The following PTPRS variants were observed in gnomAD, a reference collection of about 807,000 sequenced individuals.
PTPRS encodes the protein receptor-type tyrosine-protein phosphatase S.
Under a neutral mutation model 215.3 loss-of-function variants are expected in PTPRS, and 63 were observed. The ratio of observed to expected loss-of-function variants is 0.29; its 90% confidence interval spans 0.24 to 0.36. The LOEUF is 0.36. PTPRS is among the 10% of genes least tolerant of loss of function. The pLI, the probability that PTPRS is intolerant of heterozygous loss-of-function variation, is 1.00. For missense variants in PTPRS, 2,258 were observed against 2,825.8 expected (o/e 0.80, Z 4.56); for synonymous variants, 1,404 against 1,191.4 (o/e 1.18, Z -3.68).
chr19:5,229,373 A>G, intron 15 of PTPRS, 31 bp from the exon 16 acceptor site: 1 of 1,371,674 alleles, frequency 7.3e-7, no homozygotes, highest in East Asian at 2.8e-5. Flanking sequence ...CAGGGGAGAG[A>G]GGAGGAAGGT....
chr19:5,335,835 C>T lies in PTPRS; in HGVS notation c.-95+4829G>A, dbSNP rs145715737. Among the ~76,000 whole-genome samples the T allele has an allele frequency of 6.9e-3, 1,043 of 152,110 alleles. 8 individuals are homozygous for T. The highest frequency in any genetic ancestry group is 0.017 in the Middle Eastern group (5 of 294). On this transcript the variant is annotated intron_variant, in intron 1 of 37. Transcript: ENST00000262963. ...AAGGAAACAGGAAGCCGCACAGAAA[C>T]CTGGGTTTATTTTCAGATGTGGAAT...
chr19:5,209,331 T>A (rs2040650280), intron 35 of PTPRS, among the ~76,000 whole-genome samples: 1 of 152,178 alleles, frequency 6.6e-6, no homozygotes, highest in South Asian at 2.1e-4. Flanking sequence ...CATCCATCAC[T>A]AACAATTCAT....
chr19:5,211,792 G>A (rs777593106), intron 32 of PTPRS, 24 bp from the exon 33 acceptor site: 1 of 1,606,762 alleles, frequency 6.2e-7, no homozygotes, highest in Non-Finnish European at 8.5e-7. Flanking sequence ...GAAGCCAGAG[G>A]CCACCATCAG....
chr19:5,302,500 T>C (rs1413676056), intron 1 of PTPRS, among the ~76,000 whole-genome samples: 1 of 152,168 alleles, frequency 6.6e-6, no homozygotes. Context: ...ACCAGAAACA[T>C]TGTTACAATG....
intron 2 of PTPRS, among the ~76,000 whole-genome samples, chr19:5,280,982 G>C (rs1332138894): frequency 6.6e-6 from 1 of 151,544 alleles, no homozygotes; most frequent in Non-Finnish European, 1.5e-5. Flanking sequence ...AGTAGAGAGG[G>C]GGTTTCAGCA....
In PTPRS at chr19:5,324,226, CAAAAAAAA is replaced by C. The variant is rs55793961; in HGVS notation, c.-95+16430_-95+16437del. Among the ~76,000 whole-genome samples the C allele has an allele frequency of 2.8e-3, 210 of 73,868 alleles. 2 individuals carry two copies. The East Asian group carries it at 0.061, about 22-fold the overall frequency. 48.5% of individuals were successfully genotyped at this position (73,868 alleles called of 152,430 possible). On this transcript the variant is annotated intron_variant, in intron 1 of 37. Transcript: ENST00000262963. ...TGGGAGACAGAGCGAAACCCTGCCT[CAAAAAAAA>C]AAAAAAAAAAAAAAAAAGAAAGAAA...
At chr19:5,243,281 G>A (rs891031882) in intron 11 of PTPRS, among the ~76,000 whole-genome samples, 29 of 151,756 alleles carry the variant, frequency 1.9e-4, no homozygotes, top group African/African-American at 6.8e-4. Flanking sequence ...ACAGGCACCC[G>A]CCACCACGGC....
chr19:5,221,276 CA>C lies in PTPRS; in HGVS notation c.3202-24del, dbSNP rs1228516797. 3 of 1,599,832 alleles carry C rather than the reference CA, an allele frequency of 1.9e-6. No homozygotes were observed. The East Asian group carries it at 6.7e-5, about 36-fold the overall frequency. On this transcript the variant is annotated intron_variant, in intron 19 of 37. Transcript: ENST00000262963. ...GATCTGCGGACCAGGGCTAGCTCAG[CA>C]GGGCCTGGTGGGCTCATGCCCATGG...
rs2049034781 is a variant in PTPRS, at chr19:5,293,846, TGAG to T, written c.-94-7615_-94-7613del. 1.3e-5 allele frequency among the ~76,000 whole-genome samples: 2 copies of T among 151,212 alleles called. 1 individual carries two copies. Among genetic ancestry groups the T allele is most frequent in the Non-Finnish European group, 3.0e-5 (2 of 67,706 alleles). On this transcript the variant is annotated intron_variant, in intron 1 of 37. Coordinates refer to ENST00000262963, the MANE Select transcript of PTPRS (RefSeq NM_002850.4). The surrounding 1 kb of genome is among the most constrained non-coding windows in gnomAD (Gnocchi z 8.4). ...GAGGCCCCCACCCTCGCCACAAGCC[TGAG>T]GAGGGGGCGGAGAGCACAGGGCCAG...
intron 1 of PTPRS, among the ~76,000 whole-genome samples, chr19:5,288,767 G>A (rs1213137186): frequency 6.6e-6 from 1 of 152,164 alleles, no homozygotes; most frequent in Non-Finnish European, 1.5e-5. Context: ...ATATATGGAG[G>A]GCCCCAGCCA....
At position 5,319,255 on chromosome 19, in the gene PTPRS, T is replaced by TA. The variant is rs1361394063; in HGVS notation, c.-95+21408dup. Among the ~76,000 whole-genome samples the TA allele has an allele frequency of 2.0e-5, 3 of 151,720 alleles. No homozygotes were observed. The East Asian group carries it at 5.8e-4, about 29-fold the overall frequency. On this transcript the variant is annotated intron_variant, in intron 1 of 37. Coordinates refer to ENST00000262963, the MANE Select transcript of PTPRS (RefSeq NM_002850.4). ...GGCAAAACCCATCACTACTAAAAAT[T>TA]AAAAAATTAGCCATGCGTGGTGGTG...
chr19:5,336,000 T>TGGA (rs1201577204), intron 1 of PTPRS, among the ~76,000 whole-genome samples: 3 of 144,990 alleles, frequency 2.1e-5, no homozygotes, highest in Non-Finnish European at 3.0e-5. Context: ...GGCAGCTCCA[T>TGGA]GGAGGAGGAG....
chr19:5,240,724 A>G (rs2043960995), intron 11 of PTPRS, among the ~76,000 whole-genome samples: 1 of 151,138 alleles, frequency 6.6e-6, no homozygotes, highest in Non-Finnish European at 1.5e-5. Context: ...CTGTAGTCCC[A>G]GCTACTCGGG....
chr19:5,206,250 T>TA lies in PTPRS; in HGVS notation c.*523dup, dbSNP rs199687996. On this transcript the variant is annotated 3_prime_UTR_variant, in exon 38 of 38. Transcript: ENST00000262963. ...TGGCGAGTCTTTTGTTTGTTTCTCT[T>TA]AAAAAAAAAAATGGAAAAAAAAATA... The TA allele has an allele frequency of 0.54, 114,951 of 211,154 alleles. 27,603 individuals are homozygous for TA. Among genetic ancestry groups the TA allele is most frequent in the African/African-American group, 0.58 (25,046 of 43,092 alleles). 13.1% of individuals were successfully genotyped at this position (211,154 alleles called of 1,614,324 possible). A position where few individuals can be genotyped will look rare whatever the true frequency, so the allele number is the denominator to read the frequency against.
At chr19:5,231,126 T>C (rs1568430286) in intron 14 of PTPRS, among the ~76,000 whole-genome samples, 184 bp downstream of exon 14, 1 of 152,248 alleles carries the variant, frequency 6.6e-6, no homozygotes, top group East Asian at 1.9e-4. Context: ...CCTGCCCATG[T>C]CTAGAATCGC....
At chr19:5,280,604 C>G (rs1389789121) in intron 2 of PTPRS, among the ~76,000 whole-genome samples, 1 of 152,006 alleles carries the variant, frequency 6.6e-6, no homozygotes, top group Non-Finnish European at 1.5e-5. Context: ...GCCTGTAATC[C>G]CAGCTACTTG....
chr19:5,223,149 CA>C lies in PTPRS; in HGVS notation c.2642del (p.Leu881ArgfsTer41). 1 of 1,570,982 alleles carries C rather than the reference CA, an allele frequency of 6.4e-7. No individual in the cohort carries two copies. On this transcript the variant is annotated frameshift_variant, in exon 18 of 38. Transcript: ENST00000262963. LOFTEE classifies it high-confidence loss of function. ...GREDSTPLAT[L>X]EFPPSEDRYT... ...AGCGGTCCTCGGAGGGCGGGAACTCCAGGGTGGCCAGGGGCGTCGAGTCCTC... is the reference window on the plus strand; with the variant it reads ...AGCGGTCCTCGGAGGGCGGGAACTCCGGGTGGCCAGGGGCGTCGAGTCCTC...
chr19:5,317,916 A>G (rs933145490), intron 1 of PTPRS, among the ~76,000 whole-genome samples: 1 of 152,212 alleles, frequency 6.6e-6, no homozygotes, highest in African/African-American at 2.4e-5. Flanking sequence ...TCACGCCTGC[A>G]ATCCCAGCAC....
chr19:5,212,771 A>G (rs1000680639), intron 30 of PTPRS, among the ~76,000 whole-genome samples: 1 of 151,606 alleles, frequency 6.6e-6, no homozygotes, highest in Non-Finnish European at 1.5e-5. Context: ...TGAACCTGGG[A>G]GGTGGAGATT....
Sources: gnomAD v4.1 joint callset for allele counts (sites outside exome capture counted in the v4.1 genomes callset) on GRCh38, gnomAD v4.1.1 for gene constraint, Gnocchi (gnomAD v3.1) non-coding constraint, MANE v1.5 for transcripts, NCBI Gene and HGNC (gene_info 2026-07-23, HGNC 2026-07-21) for gene names.